CNTLN: variants seen among roughly 807,000 people sequenced by gnomAD.
CNTLN encodes the protein centlein.
CNTLN carries 212 observed loss-of-function variants against 180.0 expected under a neutral mutation model. The observed-to-expected ratio is 1.18, with a 90% CI of 1.05 to 1.32. The LOEUF (loss-of-function observed/expected upper bound fraction) is 1.32, where lower values mean the gene tolerates loss of function less well. Ranked by LOEUF, CNTLN falls within the 40% of genes most tolerant of loss-of-function variation. The pLI, the probability that CNTLN is intolerant of heterozygous loss-of-function variation, is 0.00. For synonymous variants in CNTLN, 722 were observed against 563.1 expected (o/e 1.28, Z -3.99); for missense variants, 2,095 against 1,610.9 (o/e 1.30, Z -5.14).
At chr9:17,461,075 A>G (rs182284708) in intron 19 of CNTLN, among the ~76,000 whole-genome samples, 1 of 151,674 alleles carries the variant, frequency 6.6e-6, no homozygotes, top group East Asian at 1.9e-4. Flanking sequence ...CGATAAGTAG[A>G]CGTTTATATC....
intron 12 of CNTLN, among the ~76,000 whole-genome samples, chr9:17,355,522 G>A (rs1365273105): frequency 2.0e-5 from 3 of 152,152 alleles, no homozygotes; most frequent in Non-Finnish European, 2.9e-5. Context: ...CCCATAGTCA[G>A]AGATTTATCC....
chr9:17,406,867 C>G (rs193297783), intron 15 of CNTLN, among the ~76,000 whole-genome samples: 1 of 151,634 alleles, frequency 6.6e-6, no homozygotes, highest in African/African-American at 2.4e-5. Flanking sequence ...CCCCTGCCCA[C>G]CCCCCACCAA....
intron 14 of CNTLN, among the ~76,000 whole-genome samples, chr9:17,391,079 G>A (rs1254097573): frequency 1.3e-5 from 2 of 152,150 alleles, no homozygotes; most frequent in East Asian, 1.9e-4. Flanking sequence ...CAAAGACCCA[G>A]AGAAAACTGT....
At chr9:17,407,391 A>G (rs1827476418) in intron 15 of CNTLN, among the ~76,000 whole-genome samples, 1 of 152,202 alleles carries the variant, frequency 6.6e-6, no homozygotes, top group South Asian at 2.1e-4. Context: ...TTAAAATAGA[A>G]TTACACTAAA....
intron 2 of CNTLN, among the ~76,000 whole-genome samples, chr9:17,176,931 A>C (rs1236254451): frequency 2.0e-5 from 3 of 152,082 alleles, no homozygotes; most frequent in Non-Finnish European, 4.4e-5. Context: ...CTGTTTCTTG[A>C]TATTGATAAC....
At chr9:17,272,289 A>G (rs943478396) in intron 5 of CNTLN, among the ~76,000 whole-genome samples, 15 of 151,902 alleles carry the variant, frequency 9.9e-5, no homozygotes, top group African/African-American at 3.4e-4. Context: ...GTTGGCTAGG[A>G]TAGTCTCGAT....
At chr9:17,268,303 C>T (rs1016882690) in intron 5 of CNTLN, among the ~76,000 whole-genome samples, 1 of 152,204 alleles carries the variant, frequency 6.6e-6, no homozygotes, top group Admixed American at 6.5e-5. Flanking sequence ...GAGGTCCACT[C>T]CAGACCCTGT....
chr9:17,205,503 T>C (rs1462700960), intron 2 of CNTLN, among the ~76,000 whole-genome samples: 1 of 152,118 alleles, frequency 6.6e-6, no homozygotes, highest in Non-Finnish European at 1.5e-5. Flanking sequence ...ATGATGTCTT[T>C]ATGAGGCTTG....
At chr9:17,285,160 C>A (rs974331061) in intron 6 of CNTLN, among the ~76,000 whole-genome samples, 30 of 118,036 alleles carry the variant, frequency 2.5e-4, no homozygotes, top group Non-Finnish European at 3.6e-4. Context: ...CCCCCTCCCC[C>A]CACCCCACCA....
In CNTLN at chr9:17,394,538, C is replaced by T. The variant is rs7035276; in HGVS notation, c.2084C>T (p.Thr695Ile). 0.85 allele frequency: 1,328,324 copies of T among 1,557,196 alleles called. 568,846 individuals are homozygous for T. Among genetic ancestry groups the T allele is most frequent in the Non-Finnish European group, 0.87 (1,006,118 of 1,152,052 alleles). The change falls in exon 15 of 26, where the codon ACT becomes ATT. Residue 695 changes from threonine (T) to isoleucine (I), a missense_variant. Transcript: ENST00000380647. The part of the protein sequence containing the change: ...EMLEQTLQKV[T>I]ELENRLKSFE... ...AGAATAAACTCTTTCCTTTAGGTCA[C>T]TGAGTTGGAAAATCGGCTGAAATCT...
At chr9:17,222,125 A>G (rs1263882184) in intron 2 of CNTLN, among the ~76,000 whole-genome samples, 1 of 152,038 alleles carries the variant, frequency 6.6e-6, no homozygotes, top group African/African-American at 2.4e-5. Context: ...TAAAAAAAAC[A>G]AAAACAAAAA....
chr9:17,180,835 ATTCTT>A (rs1201408016), intron 2 of CNTLN, among the ~76,000 whole-genome samples: 1 of 151,686 alleles, frequency 6.6e-6, no homozygotes, highest in East Asian at 1.9e-4. Context: ...TTGTGCGTTG[ATTCTT>A]TTCTTTTCTT....
the CNTLN span, among the ~76,000 whole-genome samples, chr9:17,527,651 G>C: frequency 6.6e-6 from 1 of 152,164 alleles, no homozygotes; most frequent in African/African-American, 2.4e-5. Flanking sequence ...CATGAACTCA[G>C]CTGAGACAGC....
At chr9:17,138,433 C>T (rs1334674432) in intron 1 of CNTLN, among the ~76,000 whole-genome samples, 4 of 152,040 alleles carry the variant, frequency 2.6e-5, no homozygotes, top group Non-Finnish European at 5.9e-5. Context: ...AATGATGAAA[C>T]CAACTTTTGA....
At chr9:17,363,130 T>C (rs1003574636) in intron 12 of CNTLN, among the ~76,000 whole-genome samples, 2 of 152,254 alleles carry the variant, frequency 1.3e-5, no homozygotes, top group South Asian at 4.1e-4. Flanking sequence ...TTATCCAGTC[T>C]ATCATTGATG....
rs193082444 is a variant in CNTLN, at chr9:17,360,831, G to A, written c.1887-5786G>A. On this transcript the variant is annotated intron_variant, in intron 12 of 25. Transcript: ENST00000380647. ...TAGCTTTACTGAGAATTGTTTTATA[G>A]CCCAGCATGTGGTCTTATCTTGTTG... Among the ~76,000 whole-genome samples, 792 of 152,244 alleles carry A rather than the reference G, an allele frequency of 5.2e-3. 5 individuals carry two copies. The highest frequency in any genetic ancestry group is 8.2e-3 in the Admixed American group (126 of 15,292).
intron 12 of CNTLN, among the ~76,000 whole-genome samples, chr9:17,346,448 G>A (rs1821903991): frequency 6.6e-6 from 1 of 152,156 alleles, no homozygotes; most frequent in African/African-American, 2.4e-5. Context: ...GATGAGATTT[G>A]GGTGGGGACA....
intron 18 of CNTLN, among the ~76,000 whole-genome samples, chr9:17,441,053 A>C (rs191724013): frequency 2.4e-5 from 1 of 42,458 alleles, no homozygotes; most frequent in South Asian, 3.8e-4. Flanking sequence ...AAATAAACTT[A>C]AAGAAGTGTA....
intron 5 of CNTLN, among the ~76,000 whole-genome samples, chr9:17,270,118 A>T (rs1827824289): frequency 6.6e-6 from 1 of 152,054 alleles, no homozygotes; most frequent in Non-Finnish European, 1.5e-5. Context: ...ATATTTATAT[A>T]TTTAATGTCT....
Sources: allele counts gnomAD v4.1 joint callset (sites outside exome capture counted in the v4.1 genomes callset), GRCh38; gene constraint gnomAD v4.1.1; transcripts MANE v1.5; gene names NCBI Gene and HGNC (gene_info 2026-07-23, HGNC 2026-07-21).